ABCA4: variants seen among roughly 807,000 people sequenced by gnomAD.
ABCA4 encodes the protein ATP binding cassette subfamily A member 4.
Under a neutral mutation model 263.7 loss-of-function variants are expected in ABCA4, and 196 were observed. That is an observed-to-expected ratio of 0.74 (90% confidence interval 0.66 to 0.84). ABCA4 has a LOEUF of 0.84. Ranked by LOEUF, ABCA4 falls within the 40% of genes least tolerant of loss-of-function variation. The pLI, the probability that ABCA4 is intolerant of heterozygous loss-of-function variation, is 0.00. For missense variants in ABCA4, 2,792 were observed against 2,855.1 expected (o/e 0.98, Z 0.50); for synonymous variants, 1,133 against 1,094.2 (o/e 1.04, Z -0.70).
intron 11 of ABCA4, among the ~76,000 whole-genome samples, chr1:94,067,534 A>C (rs1406222681): frequency 6.6e-6 from 1 of 152,230 alleles, no homozygotes; most frequent in Non-Finnish European, 1.5e-5. Flanking sequence ...ACCCATTTTC[A>C]AAGGTGCTTT....
intron 14 of ABCA4, among the ~76,000 whole-genome samples, chr1:94,058,750 C>T (rs1661045909): frequency 6.6e-6 from 1 of 152,270 alleles, no homozygotes; most frequent in African/African-American, 2.4e-5. Context: ...TTTTCACTGA[C>T]TTAAGCCAGA....
Position 94,000,993 on chromosome 1 carries a change from A to C in ABCA4, c.6386+9T>G. On this transcript the variant is annotated intron_variant, in intron 46 of 49. Transcript: ENST00000370225. The stretch of plus-strand genomic sequence containing the variant: ...CCACCCACCTTCCCCAGCCCTGGGA[A>C]TCTCTTGCCTGTGGGATGTGAGGAC... 1 of 1,614,062 alleles carries C rather than the reference A, an allele frequency of 6.2e-7. No individual in the cohort carries two copies. The highest frequency in any genetic ancestry group is 8.5e-7 in the Non-Finnish European group (1 of 1,179,976).
At chr1:94,014,980 T>C (rs985074224) in intron 37 of ABCA4, among the ~76,000 whole-genome samples, 1 of 152,200 alleles carries the variant, frequency 6.6e-6, no homozygotes, top group Admixed American at 6.5e-5. Context: ...AGGAGGGTTC[T>C]CCAGCCTGCA....
At position 94,007,991 on chromosome 1, in the gene ABCA4, CTATT is replaced by C. The variant is rs149063807; in HGVS notation, c.5898+240_5898+243del. On this transcript the variant is annotated intron_variant, in intron 42 of 49. Transcript: ENST00000370225. ...TCAAATATTTCATTAATAAGGTTTT[CTATT>C]AATTACATTTTGAAATAATATTTTG... Among the ~76,000 whole-genome samples, 641 of 152,210 alleles carry C rather than the reference CTATT, an allele frequency of 4.2e-3. 6 individuals are homozygous for C. Among genetic ancestry groups the C allele is most frequent in the African/African-American group, 0.015 (604 of 41,530 alleles).
chr1:94,104,536 T>A (rs1662370983), intron 4 of ABCA4, among the ~76,000 whole-genome samples: 1 of 152,224 alleles, frequency 6.6e-6, no homozygotes, highest in African/African-American at 2.4e-5. Context: ...TCCGGATTTA[T>A]GTTGCAGCTA....
chr1:94,116,895 C>T (rs1662778176), intron 1 of ABCA4, among the ~76,000 whole-genome samples: 1 of 152,116 alleles, frequency 6.6e-6, no homozygotes, highest in African/African-American at 2.4e-5. Flanking sequence ...TTTTCCCAAA[C>T]TGGTATTTCC....
At chr1:94,105,957 A>C (rs1325734592) in intron 4 of ABCA4, among the ~76,000 whole-genome samples, 1 of 152,126 alleles carries the variant, frequency 6.6e-6, no homozygotes, top group Non-Finnish European at 1.5e-5. Context: ...TGGCCTGAGG[A>C]GTCCGTGCTC....
In ABCA4 at chr1:94,092,323, A is replaced by G. The variant is rs547322874; in HGVS notation, c.768+6471T>C. Among the ~76,000 whole-genome samples the G allele has an allele frequency of 3.9e-4, 59 of 152,340 alleles. No individual in the cohort carries two copies. In the South Asian group the frequency reaches 0.012, roughly 31 times the overall value. Reference sequence around the variant, plus strand: ...GACAGAAGTGTGTGCTGCTGTGTTCAGTCCTGGGCTGAGCTACAGGAAACC... The same window carrying G: ...GACAGAAGTGTGTGCTGCTGTGTTCGGTCCTGGGCTGAGCTACAGGAAACC... On this transcript the variant is annotated intron_variant, in intron 6 of 49. Coordinates refer to ENST00000370225, the MANE Select transcript of ABCA4 (RefSeq NM_000350.3).
At chr1:94,032,511 C>G (rs1404753245) in intron 26 of ABCA4, among the ~76,000 whole-genome samples, 6 of 152,150 alleles carry the variant, frequency 3.9e-5, no homozygotes, top group African/African-American at 1.4e-4. Context: ...TGGCAGGCAC[C>G]TGTAATCCCA....
intron 4 of ABCA4, among the ~76,000 whole-genome samples, chr1:94,103,357 G>T (rs1662336678): frequency 6.6e-6 from 1 of 151,978 alleles, no homozygotes; most frequent in African/African-American, 2.4e-5. Context: ...TAGTAAGAAG[G>T]TGGAAAAAGT....
Position 94,001,845 on chromosome 1 carries a change from A to C in ABCA4, c.6282+13T>G. 6.2e-7 allele frequency: 1 copy of C among 1,614,218 alleles called. No individual in the cohort carries two copies. On this transcript the variant is annotated intron_variant, in intron 45 of 49. Transcript: ENST00000370225. Reference sequence around the variant, plus strand: ...TGGTTTAAGCCCTTGGTGCGGCCCAAGCCCGCAGTTACCAGCAGCACCAGC... The same window carrying C: ...TGGTTTAAGCCCTTGGTGCGGCCCACGCCCGCAGTTACCAGCAGCACCAGC...
intron 42 of ABCA4, among the ~76,000 whole-genome samples, chr1:94,008,007 G>C (rs1659442438): frequency 6.6e-6 from 1 of 152,200 alleles, no homozygotes; most frequent in East Asian, 1.9e-4. Flanking sequence ...ATTACATTTT[G>C]AAATAATATT....
chr1:94,047,324 C>T (rs1368124326), intron 18 of ABCA4, among the ~76,000 whole-genome samples: 1 of 152,182 alleles, frequency 6.6e-6, no homozygotes, highest in Non-Finnish European at 1.5e-5. Context: ...CAAATTACCT[C>T]AATGTACTCT....
intron 11 of ABCA4, among the ~76,000 whole-genome samples, chr1:94,070,151 C>G (rs1661367811): frequency 1.3e-5 from 2 of 152,224 alleles, no homozygotes; most frequent in African/African-American, 4.8e-5. Flanking sequence ...GAGCTGGGCA[C>G]TGACCAATCA....
At chr1:94,112,099 T>C (rs2101164582) in intron 2 of ABCA4, among the ~76,000 whole-genome samples, 1 of 152,248 alleles carries the variant, frequency 6.6e-6, no homozygotes, top group Middle Eastern at 3.4e-3. Flanking sequence ...AGATCAAGAA[T>C]AGAGGACTGG....
chr1:94,024,583 A>G (rs933354196), intron 31 of ABCA4, among the ~76,000 whole-genome samples: 1 of 151,682 alleles, frequency 6.6e-6, no homozygotes, highest in Non-Finnish European at 1.5e-5. Context: ...CTTTTCCCCT[A>G]TACTCCTCCA....
intron 22 of ABCA4, among the ~76,000 whole-genome samples, chr1:94,041,635 C>T (rs1053163264): frequency 2.0e-5 from 3 of 152,190 alleles, no homozygotes; most frequent in African/African-American, 7.2e-5. Flanking sequence ...GTCTCTGTAT[C>T]CAGCATAGGA....
rs56142141 is a variant in ABCA4 at position 94,008,290 on chromosome 1, G to A, written c.5843C>T (p.Pro1948Leu). Residue 1948 changes from proline to leucine, a missense_variant, in exon 42 of 50, where the codon CCA (proline) becomes CTA (leucine). Pro to Leu is a moderately conservative substitution (Grantham distance 98, BLOSUM62 -3). Coordinates refer to ENST00000370225, the MANE Select transcript of ABCA4 (RefSeq NM_000350.3). ...GTCCACTGCTGGGCTGGAGGTGCCTGGATAAATCTGCAAGATACGAAGAAA... is the reference window on the plus strand; with the variant it reads ...GTCCACTGCTGGGCTGGAGGTGCCTAGATAAATCTGCAAGATACGAAGAAA... ...LRLHELTKIY[P>L]GTSSPAVDRL... is the part of the protein sequence containing the mutation. 0.039 allele frequency: 63,393 copies of A among 1,613,262 alleles called. 1,534 individuals carry two copies. The highest frequency in any genetic ancestry group is 0.046 in the Non-Finnish European group (54,090 of 1,179,232).
intron 6 of ABCA4, among the ~76,000 whole-genome samples, chr1:94,087,000 C>G (rs939094248): frequency 6.6e-6 from 1 of 152,158 alleles, no homozygotes; most frequent in Non-Finnish European, 1.5e-5. Flanking sequence ...TTGCATGGTG[C>G]GGGCTCATTT....
Sources: gnomAD v4.1 joint callset for allele counts (sites outside exome capture counted in the v4.1 genomes callset) on GRCh38, gnomAD v4.1.1 for gene constraint, MANE v1.5 for transcripts, NCBI Gene and HGNC (gene_info 2026-07-23, HGNC 2026-07-21) for gene names.